XIRP2: variants seen among roughly 807,000 people sequenced by gnomAD.
The protein encoded by XIRP2 is xin actin-binding repeat-containing protein 2.
In XIRP2, 236 loss-of-function variants were observed where a neutral mutation model predicts 277.0. The ratio of observed to expected loss-of-function variants is 0.85; its 90% CI spans 0.77 to 0.95. XIRP2 has a LOEUF of 0.95. Ranked by LOEUF, XIRP2 falls within the 40% of genes least tolerant of loss-of-function variation. The pLI is 0.00. For missense variants in XIRP2, 4,640 were observed against 4,157.5 expected (o/e 1.12, Z -3.19); for synonymous variants, 1,490 against 1,416.5 (o/e 1.05, Z -1.17).
At chr2:167,058,073 T>TATTTTATTTC in intron 2 of XIRP2, among the ~76,000 whole-genome samples, 1 of 147,748 alleles carries the variant, frequency 6.8e-6, no homozygotes, top group African/African-American at 2.5e-5. Context: ...TATTTTATTT[T>TATTTTATTTC]ATTTTTTGAG....
At chr2:167,174,256 G>T (rs1419849250) in intron 3 of XIRP2, among the ~76,000 whole-genome samples, 10 of 152,208 alleles carry the variant, frequency 6.6e-5, no homozygotes, top group South Asian at 6.2e-4. Flanking sequence ...GGCTTGTTTT[G>T]GTTGGTAGGC....
intron 2 of XIRP2, among the ~76,000 whole-genome samples, chr2:166,925,600 T>C (rs1200979276): frequency 3.7e-5 from 3 of 80,622 alleles, no homozygotes; most frequent in Non-Finnish European, 6.1e-5. Context: ...TATATACATA[T>C]ATATATATAT....
At chr2:167,081,750 A>G (rs566392437) in intron 2 of XIRP2, among the ~76,000 whole-genome samples, 4 of 152,170 alleles carry the variant, frequency 2.6e-5, no homozygotes, top group Admixed American at 2.0e-4. Flanking sequence ...AGAAATTAGC[A>G]CACAAGAAGG....
chr2:166,910,996 G>C (rs190401349), intron 2 of XIRP2, among the ~76,000 whole-genome samples: 2 of 152,248 alleles, frequency 1.3e-5, no homozygotes, highest in Admixed American at 1.3e-4. Context: ...TATAATTTCT[G>C]TTCTTTTACA....
chr2:167,175,325 A>G (rs779474267), intron 3 of XIRP2, among the ~76,000 whole-genome samples: 2 of 151,910 alleles, frequency 1.3e-5, no homozygotes, highest in Admixed American at 1.3e-4. Flanking sequence ...TATGTAGTGG[A>G]TGTCCTTTTT....
At chr2:167,191,303 G>C (rs1693325592) in intron 3 of XIRP2, among the ~76,000 whole-genome samples, 1 of 151,958 alleles carries the variant, frequency 6.6e-6, no homozygotes. Flanking sequence ...TCTAGATTAA[G>C]AAAGCTGAGG....
intron 9 of XIRP2, 112 bp downstream of exon 9, chr2:167,252,059 C>A: frequency 6.9e-6 from 10 of 1,453,514 alleles, no homozygotes; most frequent in Non-Finnish European, 8.1e-6. Context: ...AACAATATAA[C>A]CTAAAACTAA....
chr2:167,210,954 C>G, intron 4 of XIRP2, 59 bp downstream of exon 4: 8 of 1,585,316 alleles, frequency 5.0e-6, no homozygotes, highest in East Asian at 2.3e-5. Context: ...TCCCAATTCC[C>G]TCTTTATATT....
intron 2 of XIRP2, among the ~76,000 whole-genome samples, chr2:166,973,483 TTAA>T (rs1686628908): frequency 6.6e-6 from 1 of 152,104 alleles, no homozygotes; most frequent in Non-Finnish European, 1.5e-5. Context: ...ACAAACATAG[TTAA>T]TATATTGGCC....
chr2:167,196,412 T>TTGTGTGTGTGTGTGTG (rs71031280), intron 3 of XIRP2, among the ~76,000 whole-genome samples: 58 of 141,890 alleles, frequency 4.1e-4, no homozygotes, highest in African/African-American at 1.4e-3. Context: ...GTCAAGAATT[T>TTGTGTGTGTGTGTGTG]TGTGTGTGTG....
chr2:167,172,200 G>T (rs1227908988), intron 3 of XIRP2, among the ~76,000 whole-genome samples: 1 of 152,084 alleles, frequency 6.6e-6, no homozygotes, highest in Non-Finnish European at 1.5e-5. Flanking sequence ...TCCCCAAGCC[G>T]CAAAACCAAC....
intron 2 of XIRP2, among the ~76,000 whole-genome samples, chr2:167,110,259 A>G (rs896456860): frequency 3.6e-4 from 55 of 152,280 alleles, no homozygotes; most frequent in African/African-American, 1.1e-3. Context: ...TATGCCCACA[A>G]TGGTATTTCC....
intron 2 of XIRP2, among the ~76,000 whole-genome samples, chr2:167,028,172 A>C (rs1475800072): frequency 6.6e-6 from 1 of 152,100 alleles, no homozygotes; most frequent in African/African-American, 2.4e-5. Flanking sequence ...GAAAATATTT[A>C]CTCTAAGCCA....
In XIRP2 at chr2:166,888,912, G is replaced by A. The variant is rs796850173; in HGVS notation, c.-19+355G>A. Among the ~76,000 whole-genome samples, 3 of 152,132 alleles carry A rather than the reference G, an allele frequency of 2.0e-5. No homozygotes were observed. The South Asian group carries it at 6.2e-4, about 32-fold the overall frequency. On this transcript the variant is annotated intron_variant, in intron 1 of 10. Transcript: ENST00000409195. Reference sequence around the variant, plus strand: ...CTGAAAGATAGTCAGGGACTTCTGGGGAAGAAATTTAACAAAAACAGCATC... The same window carrying A: ...CTGAAAGATAGTCAGGGACTTCTGGAGAAGAAATTTAACAAAAACAGCATC...
chr2:167,043,816 G>T (rs1688723243), intron 2 of XIRP2, among the ~76,000 whole-genome samples: 2 of 151,842 alleles, frequency 1.3e-5, no homozygotes, highest in Non-Finnish European at 2.9e-5. Context: ...TCAAGGAAGG[G>T]TTCCTTTATT....
chr2:167,156,433 C>T (rs1692200201), intron 3 of XIRP2, among the ~76,000 whole-genome samples: 2 of 152,228 alleles, frequency 1.3e-5, no homozygotes, highest in South Asian at 4.1e-4. Flanking sequence ...ATTTAAAACA[C>T]AGGTTTAGTT....
chr2:166,936,619 A>G (rs181684178), intron 2 of XIRP2, among the ~76,000 whole-genome samples: 6 of 152,260 alleles, frequency 3.9e-5, no homozygotes, highest in Admixed American at 2.0e-4. Context: ...CCAGTTTCAG[A>G]TTTCTACATA....
chr2:167,195,715 A>G lies in XIRP2; in HGVS notation c.563-15020A>G, dbSNP rs374910888. Among the ~76,000 whole-genome samples, 3 of 152,328 alleles carry G rather than the reference A, an allele frequency of 2.0e-5. No homozygotes were observed. The East Asian group carries it at 5.8e-4, about 29-fold the overall frequency. On this transcript the variant is annotated intron_variant, in intron 3 of 10. Coordinates refer to ENST00000409195, the MANE Select transcript of XIRP2 (RefSeq NM_152381.6). ...AAATCACAAGCCAGTGAAATGGCGC[A>G]ATGCACCAGGAAAATCACAAGATCA...
At chr2:167,144,901 T>A (rs779369444) in intron 3 of XIRP2, among the ~76,000 whole-genome samples, 2 of 152,192 alleles carry the variant, frequency 1.3e-5, no homozygotes, top group Non-Finnish European at 2.9e-5. Context: ...GAAGTTCAGA[T>A]GGTCATACTT....
Sources: gnomAD v4.1 joint callset for allele counts (sites outside exome capture counted in the v4.1 genomes callset) on GRCh38, gnomAD v4.1.1 for gene constraint, MANE v1.5 for transcripts, NCBI Gene and HGNC (gene_info 2026-07-23, HGNC 2026-07-21) for gene names.